Variants in KAT2B observed in about 807,000 individuals in gnomAD.
KAT2B encodes histone acetyltransferase KAT2B.
A neutral mutation model predicts 105.9 loss-of-function variants in KAT2B; 36 were observed. That is an observed-to-expected ratio of 0.34 (90% CI 0.26 to 0.45). The LOEUF is 0.45. Ranked by LOEUF, KAT2B falls within the 20% of genes least tolerant of loss-of-function variation. The pLI, the probability that KAT2B is intolerant of heterozygous loss-of-function variation, is 1.00. For synonymous variants in KAT2B, 397 were observed against 377.9 expected, an observed-to-expected ratio of 1.05 and a Z score of -0.59; for missense variants, 820 against 1,021.6, an observed-to-expected ratio of 0.80 and a Z score of 2.69.
intron 8 of KAT2B, among the ~76,000 whole-genome samples, chr3:20,120,927 A>T (rs1490299093): frequency 3.3e-5 from 5 of 152,108 alleles, no homozygotes; most frequent in African/African-American, 1.2e-4. Flanking sequence ...GGGAGATATC[A>T]CTAATTCATG....
intron 10 of KAT2B, among the ~76,000 whole-genome samples, chr3:20,126,796 T>C (rs1397518180): frequency 8.2e-6 from 1 of 122,270 alleles, no homozygotes; most frequent in Non-Finnish European, 1.6e-5. Context: ...CACTCCAGCC[T>C]GGGCAACAGA....
intron 1 of KAT2B, among the ~76,000 whole-genome samples, chr3:20,045,241 C>T (rs1697788480): frequency 6.6e-6 from 1 of 152,046 alleles, no homozygotes; most frequent in Admixed American, 6.6e-5. Flanking sequence ...TGGTTTCCAA[C>T]TCCTGGGCTC....
intron 2 of KAT2B, among the ~76,000 whole-genome samples, chr3:20,081,947 ATTTG>A (rs545124851): frequency 1.1e-3 from 169 of 151,064 alleles, no homozygotes; most frequent in African/African-American, 3.5e-3. Flanking sequence ...CTACGTATAA[ATTTG>A]TTTTTCTGGA....
At chr3:20,056,984 G>A (rs554357486) in intron 1 of KAT2B, among the ~76,000 whole-genome samples, 2 of 152,324 alleles carry the variant, frequency 1.3e-5, no homozygotes, top group Admixed American at 1.3e-4. Context: ...GCATTTTAGA[G>A]TACAGTGATG....
At chr3:20,078,170 GCC>G (rs749946851) in intron 2 of KAT2B, among the ~76,000 whole-genome samples, 28 of 151,874 alleles carry the variant, frequency 1.8e-4, no homozygotes, top group Non-Finnish European at 3.7e-4. Context: ...GCAGAGTGAG[GCC>G]CTGTCTCAAA....
intron 14 of KAT2B, 44 bp from the exon 15 acceptor site, chr3:20,147,919 C>G (rs778120598): frequency 6.3e-7 from 1 of 1,591,402 alleles, no homozygotes; most frequent in East Asian, 2.3e-5. Flanking sequence ...ATTCTCTTGA[C>G]CAAAAGCACT....
chr3:20,049,712 C>G (rs113688448), intron 1 of KAT2B, among the ~76,000 whole-genome samples: 5 of 151,986 alleles, frequency 3.3e-5, no homozygotes, highest in African/African-American at 1.2e-4. Context: ...ATAAAGTAAA[C>G]AAAATAAGCA....
chr3:20,129,260 A>C (rs565489679), intron 11 of KAT2B, among the ~76,000 whole-genome samples: 83 of 152,242 alleles, frequency 5.5e-4, no homozygotes, highest in African/African-American at 1.9e-3. Flanking sequence ...AGTGAGATTA[A>C]TTTTGGAAAT....
chr3:20,041,677 A>AG (rs1473993714), intron 1 of KAT2B, among the ~76,000 whole-genome samples: 1 of 152,044 alleles, frequency 6.6e-6, no homozygotes, highest in Non-Finnish European at 1.5e-5. Flanking sequence ...GTGACAGCTG[A>AG]GGGGGGCGGG....
chr3:20,087,680 A>G (rs553115341), intron 2 of KAT2B, among the ~76,000 whole-genome samples: 1 of 152,292 alleles, frequency 6.6e-6, no homozygotes, highest in East Asian at 1.9e-4. Flanking sequence ...CCAAGTCCCT[A>G]ATAACCATCA....
At chr3:20,128,596 C>T (rs753551372) in intron 11 of KAT2B, among the ~76,000 whole-genome samples, 12 of 152,062 alleles carry the variant, frequency 7.9e-5, no homozygotes, top group African/African-American at 2.2e-4. Context: ...CAGTTGGTGT[C>T]GCAGTCTGGC....
At chr3:20,087,654 A>G (rs1698644608) in intron 2 of KAT2B, among the ~76,000 whole-genome samples, 1 of 152,092 alleles carries the variant, frequency 6.6e-6, no homozygotes, top group African/African-American at 2.4e-5. Context: ...CAGCATCTCT[A>G]CCCGTACCTC....
At chr3:20,107,894 C>T (rs1471595434) in intron 5 of KAT2B, among the ~76,000 whole-genome samples, 4 of 144,976 alleles carry the variant, frequency 2.8e-5, no homozygotes, top group Admixed American at 2.2e-4. Flanking sequence ...CTGCAACCTT[C>T]GCCTCCCAGG....
chr3:20,113,300 G>A (rs1253064342), intron 6 of KAT2B, among the ~76,000 whole-genome samples: 1 of 152,102 alleles, frequency 6.6e-6, no homozygotes, highest in Non-Finnish European at 1.5e-5. Context: ...ATGTTTTCAG[G>A]TAATAGTTGT....
intron 17 of KAT2B, chr3:20,149,113 C>T (rs1699825335): frequency 1.3e-5 from 2 of 152,106 alleles, no homozygotes; most frequent in Non-Finnish European, 2.9e-5. Context: ...CCACACCACT[C>T]TAAAATTAAT....
At position 20,066,743 on chromosome 3, in the gene KAT2B, C is replaced by T. The variant is rs140190605; in HGVS notation, c.304-5590C>T. ...GCACACACTATTTAACCCACTGCACCGCATTAAAAAAAAAAAATCAGAAAA... is the reference window on the plus strand; with the variant it reads ...GCACACACTATTTAACCCACTGCACTGCATTAAAAAAAAAAAATCAGAAAA... On this transcript the variant is annotated intron_variant, in intron 1 of 17. Transcript: ENST00000263754. Among the ~76,000 whole-genome samples, 235 of 149,486 alleles carry T rather than the reference C, an allele frequency of 1.6e-3. 1 individual carries two copies. The highest frequency in any genetic ancestry group is 3.0e-3 in the Non-Finnish European group (201 of 67,612).
chr3:20,132,706 TG>T (rs577060994), intron 11 of KAT2B, among the ~76,000 whole-genome samples: 8 of 152,336 alleles, frequency 5.3e-5, no homozygotes, highest in Admixed American at 1.3e-4. Context: ...ACAAGCAACT[TG>T]GAATCTGGAA....
intron 3 of KAT2B, among the ~76,000 whole-genome samples, chr3:20,096,845 GT>G (rs1383579267): frequency 6.6e-6 from 1 of 151,870 alleles, no homozygotes; most frequent in African/African-American, 2.4e-5. Flanking sequence ...GTACTAATGG[GT>G]TTTTTTGGGT....
At chr3:20,144,911 C>G (rs1699759797) in intron 13 of KAT2B, among the ~76,000 whole-genome samples, 1 of 151,798 alleles carries the variant, frequency 6.6e-6, no homozygotes, top group Non-Finnish European at 1.5e-5. Context: ...TTCTCCTGTC[C>G]CAGCCTCCTG....
Sources: gnomAD v4.1 joint callset for allele counts (sites outside exome capture counted in the v4.1 genomes callset) on GRCh38, gnomAD v4.1.1 for gene constraint, MANE v1.5 for transcripts, NCBI Gene and HGNC (gene_info 2026-07-23, HGNC 2026-07-21) for gene names.